EDARADD: variants seen among roughly 807,000 people sequenced by gnomAD.
EDARADD encodes EDAR associated via death domain.
EDARADD carries 20 observed loss-of-function variants against 25.6 expected under a neutral mutation model. The ratio of observed to expected loss-of-function variants is 0.78; its 90% confidence interval spans 0.55 to 1.14. The LOEUF (loss-of-function observed/expected upper bound fraction) is 1.14. Among genes scored for constraint, EDARADD ranks in the 50% most tolerant of loss-of-function variants. The pLI is 0.00. For missense variants in EDARADD, 225 were observed against 270.1 expected (o/e 0.83, Z 1.17); for synonymous variants, 86 against 94.4 (o/e 0.91, Z 0.52).
chr1:236,378,118 G>T (rs1229365647), intron 3 of EDARADD, among the ~76,000 whole-genome samples: 1 of 152,100 alleles, frequency 6.6e-6, no homozygotes, highest in Admixed American at 6.5e-5. Context: ...CCCCCTTTAG[G>T]TGGGATCTGA....
Position 236,460,407 on chromosome 1 carries a change from A to G in EDARADD, c.220-7824A>G, listed in dbSNP as rs971519030. 2.0e-5 allele frequency among the ~76,000 whole-genome samples: 3 copies of G among 151,968 alleles called. No homozygotes were observed. In the South Asian group the frequency reaches 6.3e-4, roughly 32 times the overall value. On this transcript the variant is annotated intron_variant, in intron 4 of 5. Transcript: ENST00000334232. ...CACTACGTTGCCCCGGCTGGTTTTG[A>G]ACTTCTGGGCTCAGACAATCCACCC...
chr1:236,414,188 A>G (rs1657574166), intron 2 of EDARADD, 72 bp from the exon 3 acceptor site: 1 of 1,357,306 alleles, frequency 7.4e-7, no homozygotes, highest in African/African-American at 1.4e-5. Flanking sequence ...CTTTCCCAAG[A>G]CAAAGCTTTC....
Position 236,409,269 on chromosome 1 carries a change from A to C in EDARADD, c.115A>C (p.Asn39His). The stretch of plus-strand genomic sequence containing the variant: ...CACAGACCCTAGCACTTTATCCTTT[A>C]ATATGGTAGGTGACAAATTTTACAC... Reference protein sequence around the residue: ...EDTDPSTLSFNMSDKYPIQDT... With the variant: ...EDTDPSTLSFHMSDKYPIQDT... Residue 39 changes from asparagine to histidine, a missense_variant, in exon 2 of 6, where the codon AAT becomes CAT. Transcript: ENST00000334232. 17 of 1,611,808 alleles carry C rather than the reference A, an allele frequency of 1.1e-5. No individual in the cohort carries two copies. The highest frequency in any genetic ancestry group is 1.4e-5 in the Non-Finnish European group (17 of 1,178,108).
intron 3 of EDARADD, among the ~76,000 whole-genome samples, chr1:236,387,206 G>GC (rs1331320414): frequency 4.3e-5 from 2 of 46,226 alleles, no homozygotes; most frequent in African/African-American, 7.8e-5. Context: ...GGGGGGGTCA[G>GC]CCCCCCCGCC....
At chr1:236,472,290 T>A (rs1452750981) in intron 5 of EDARADD, among the ~76,000 whole-genome samples, 1 of 152,184 alleles carries the variant, frequency 6.6e-6, no homozygotes, top group Non-Finnish European at 1.5e-5. Flanking sequence ...CCTGACTAAA[T>A]ACTTAATCTG....
intron 3 of EDARADD, 150 bp from the exon 4 acceptor site, chr1:236,427,242 G>A: frequency 2.9e-6 from 2 of 696,668 alleles, no homozygotes; most frequent in South Asian, 3.8e-5. Flanking sequence ...GCAGAGTTTG[G>A]AGAGGAATTT....
chr1:236,454,240 G>A (rs1460269389), intron 4 of EDARADD, among the ~76,000 whole-genome samples: 1 of 152,088 alleles, frequency 6.6e-6, no homozygotes, highest in East Asian at 1.9e-4. Flanking sequence ...AGTAGAGACA[G>A]GGTTTCACCC....
intron 5 of EDARADD, among the ~76,000 whole-genome samples, chr1:236,469,448 G>A (rs1294583553): frequency 6.6e-6 from 1 of 152,054 alleles, no homozygotes; most frequent in Non-Finnish European, 1.5e-5. Context: ...ATTCCAGCCT[G>A]GGTGACAGAG....
intron 1 of EDARADD, among the ~76,000 whole-genome samples, chr1:236,400,749 TAG>T (rs1479907049): frequency 2.7e-5 from 4 of 148,236 alleles, no homozygotes; most frequent in African/African-American, 1.0e-4. Context: ...GTATTTTTAG[TAG>T]AGATGGGGTC....
intron 5 of EDARADD, among the ~76,000 whole-genome samples, chr1:236,480,105 A>G (rs1432192703): frequency 1.2e-5 from 1 of 80,650 alleles, no homozygotes; most frequent in Non-Finnish European, 2.9e-5. Context: ...CCATATATAT[A>G]TATATATATA....
intron 4 of EDARADD, among the ~76,000 whole-genome samples, chr1:236,455,829 A>G (rs184046933): frequency 8.1e-4 from 124 of 152,264 alleles, no homozygotes; most frequent in Middle Eastern, 3.4e-3. Flanking sequence ...TCGCTCTGTC[A>G]CCCAGGCTGG....
In EDARADD at chr1:236,371,137, C is replaced by A. The variant is rs185283150; in HGVS notation, c.-6+20298C>A. On this transcript the variant is annotated intron_variant, in intron 3 of 7. Coordinates refer to the EDARADD transcript ENST00000439430. ...CCCCCCAAGAAACATAGATCTTGTA[C>A]ATATTTTGTTAGATTTATACCTAAG... Among the ~76,000 whole-genome samples, 564 of 152,264 alleles carry A rather than the reference C, an allele frequency of 3.7e-3. 5 individuals are homozygous for A. The highest frequency in any genetic ancestry group is 0.013 in the African/African-American group (543 of 41,540).
chr1:236,412,328 C>T (rs989946966), intron 2 of EDARADD, among the ~76,000 whole-genome samples: 1 of 152,104 alleles, frequency 6.6e-6, no homozygotes, highest in Non-Finnish European at 1.5e-5. Context: ...TCTCCGTAGC[C>T]CAATCCCTAT....
intron 4 of EDARADD, among the ~76,000 whole-genome samples, chr1:236,466,926 G>C (rs1571953474): frequency 6.6e-6 from 1 of 152,182 alleles, no homozygotes; most frequent in East Asian, 1.9e-4. Context: ...AATTAGCCAG[G>C]CGTGGTGGCG....
intron 4 of EDARADD, among the ~76,000 whole-genome samples, chr1:236,457,836 A>T (rs71532025): frequency 0.19 from 29,452 of 151,044 alleles, 3,312 homozygotes; most frequent in Middle Eastern, 0.29. Context: ...AAAAAAAAAA[A>T]AAAAAAATCA....
In EDARADD at chr1:236,484,616, C is replaced by G; in HGVS notation, c.*1967C>G. On this transcript the variant is annotated 3_prime_UTR_variant, in exon 6 of 6. Coordinates refer to ENST00000334232, the MANE Select transcript of EDARADD (RefSeq NM_145861.4). The surrounding 1 kb of genome is among the most constrained non-coding windows in gnomAD (Gnocchi z 4.1). ...TTGCCCACCGCCGTGGAGTTCGCAC[C>G]TCTTCCTTAGAACTTCTACAGAAGC... is the stretch of plus-strand genomic sequence containing the variant. 1 of 593,494 alleles carries G rather than the reference C, an allele frequency of 1.7e-6. No individual in the cohort carries two copies. The allele number at this position is 593,494 out of a possible 1,614,324, so 36.8% of individuals were successfully genotyped here. A position where few individuals can be genotyped will look rare whatever the true frequency, so the allele number is the denominator to read the frequency against.
intron 4 of EDARADD, among the ~76,000 whole-genome samples, chr1:236,429,198 G>GAGGGAGCGGGAGC (rs1196367955): frequency 1.8e-4 from 26 of 145,828 alleles, no homozygotes; most frequent in Non-Finnish European, 3.8e-4. Flanking sequence ...GGGAGAGGGA[G>GAGGGAGCGGGAGC]CGGGAGCGGG....
intron 3 of EDARADD, among the ~76,000 whole-genome samples, chr1:236,372,240 G>A (rs1197167610): frequency 1.3e-5 from 2 of 152,176 alleles, no homozygotes; most frequent in African/African-American, 4.8e-5. Context: ...ACAGATATGA[G>A]CCACCATGCC....
At chr1:236,354,790 T>C (rs1202142995) in intron 3 of EDARADD, among the ~76,000 whole-genome samples, 1 of 152,212 alleles carries the variant, frequency 6.6e-6, no homozygotes, top group Non-Finnish European at 1.5e-5. Flanking sequence ...CTGTGTCCTG[T>C]AGGTCACCTT....
Sources: gnomAD v4.1 joint callset for allele counts (sites outside exome capture counted in the v4.1 genomes callset) on GRCh38, gnomAD v4.1.1 for gene constraint, Gnocchi (gnomAD v3.1) non-coding constraint, MANE v1.5 for transcripts, NCBI Gene and HGNC (gene_info 2026-07-23, HGNC 2026-07-21) for gene names.